Variants in SLC20A2 observed in about 807,000 individuals in gnomAD.
SLC20A2 encodes the protein solute carrier family 20 member 2, also known as sodium-dependent phosphate transporter 2.
Under a neutral mutation model 61.0 loss-of-function variants are expected in SLC20A2, and 30 were observed. The observed-to-expected ratio is 0.49, with a 90% CI of 0.37 to 0.67. The LOEUF is 0.67. Among genes scored for constraint, SLC20A2 ranks in the 30% least tolerant of loss-of-function variants. The probability of loss-of-function intolerance (pLI) is 0.00; values close to 1 mark genes in which losing one functional copy is unlikely to be tolerated. For synonymous variants in SLC20A2, 351 were observed against 353.3 expected (o/e 0.99, Z 0.07); for missense variants, 626 against 866.4 (o/e 0.72, Z 3.48).
At chr8:42,465,728 T>C (rs777423869) in intron 3 of SLC20A2, 49 bp downstream of exon 3, 25 of 1,515,566 alleles carry the variant, frequency 1.6e-5, no homozygotes, top group Non-Finnish European at 2.0e-5. Flanking sequence ...AAACTTACTC[T>C]AGAAAATGTA....
At position 42,437,226 on chromosome 8, in the gene SLC20A2, C is replaced by A; in HGVS notation, c.1286G>T (p.Arg429Leu). 2 of 1,613,850 alleles carry A rather than the reference C, an allele frequency of 1.2e-6. No homozygotes were observed. Among genetic ancestry groups the A allele is most frequent in the Non-Finnish European group, 8.5e-7 (1 of 1,180,028 alleles). The change falls in exon 8 of 11, where the codon CGC becomes CTC. Residue 429 changes from arginine (R) to leucine (L), a missense_variant. This residue lies in a region of SLC20A2 where 361 missense variants were observed against 422.3 expected (regional missense o/e 0.85). Transcript: ENST00000520262. The surrounding 1 kb of genome is among the most constrained non-coding windows in gnomAD (Gnocchi z 6.4). ...ACAGTAGCTCGAGTAGCTGTCGTAG[C>A]GCAGCCTCTTCTTGGAGTAGGACAC... is the stretch of plus-strand genomic sequence containing the variant. The part of the protein sequence containing the change: ...DTVSYSKKRL[R>L]YDSYSSYCNA...
At chr8:42,469,213 A>G (rs1245643892) in intron 2 of SLC20A2, among the ~76,000 whole-genome samples, 1 of 152,214 alleles carries the variant, frequency 6.6e-6, no homozygotes, top group African/African-American at 2.4e-5. Context: ...GCCAATGGTA[A>G]TTACACCACC....
rs139882135 is a variant in SLC20A2, at chr8:42,421,168, T to C, written c.1795-3201A>G. Among the ~76,000 whole-genome samples, 6 of 152,310 alleles carry C rather than the reference T, an allele frequency of 3.9e-5. No individual in the cohort carries two copies. In the East Asian group the frequency reaches 9.6e-4, roughly 24 times the overall value. On this transcript the variant is annotated intron_variant, in intron 10 of 10. Transcript: ENST00000520262. ...AGCAGTTTTGTGCCTCTTCCATATATATCACTCACATTTCTTTTTTAAAAA... is the reference window on the plus strand; with the variant it reads ...AGCAGTTTTGTGCCTCTTCCATATACATCACTCACATTTCTTTTTTAAAAA...
intron 2 of SLC20A2, among the ~76,000 whole-genome samples, chr8:42,468,590 A>G (rs1420573345): frequency 6.6e-6 from 1 of 152,204 alleles, no homozygotes; most frequent in Non-Finnish European, 1.5e-5. Flanking sequence ...ATGTAAGATA[A>G]TGGCATCTGA....
At chr8:42,425,767 G>A (rs1563438915) in intron 10 of SLC20A2, among the ~76,000 whole-genome samples, 2 of 152,196 alleles carry the variant, frequency 1.3e-5, no homozygotes, top group South Asian at 2.1e-4. Flanking sequence ...AACTGGCTGG[G>A]CACGGTGGCT....
At position 42,443,264 on chromosome 8, in the gene SLC20A2, G is replaced by GAT. The variant is rs869057900; in HGVS notation, c.730+1380_730+1381dup. ...TATAATAATACAATTATTATTATAG[G>GAT]ATATATATATATATATATATATATA... On this transcript the variant is annotated intron_variant, in intron 6 of 10. Transcript: ENST00000520262. Among the ~76,000 whole-genome samples, 25 of 105,460 alleles carry GAT rather than the reference G, an allele frequency of 2.4e-4. No homozygotes were observed. In the East Asian group the frequency reaches 5.6e-3, roughly 24 times the overall value. 69.2% of individuals were successfully genotyped at this position (105,460 alleles called of 152,430 possible). A position where few individuals can be genotyped will look rare whatever the true frequency, so the allele number is the denominator to read the frequency against.
At chr8:42,431,133 C>T (rs532391244) in intron 8 of SLC20A2, among the ~76,000 whole-genome samples, 1 of 152,350 alleles carries the variant, frequency 6.6e-6, no homozygotes, top group South Asian at 2.1e-4. Flanking sequence ...GAAGGCATGT[C>T]AAAATCGGAG....
At chr8:42,482,990 G>T (rs1337259329) in intron 1 of SLC20A2, among the ~76,000 whole-genome samples, 1 of 149,372 alleles carries the variant, frequency 6.7e-6, no homozygotes, top group Non-Finnish European at 1.5e-5. Flanking sequence ...AGGTTGCAGT[G>T]AGCTGAGATT....
chr8:42,459,235 C>CAAAAAAAAAAAAAAAAAAAAAAAAAA (rs756966778), intron 5 of SLC20A2, among the ~76,000 whole-genome samples: 1 of 36,076 alleles, frequency 2.8e-5, no homozygotes, highest in Non-Finnish European at 7.3e-5. Flanking sequence ...GACTCTATCT[C>CAAAAAAAAAAAAAAAAAAAAAAAAAA]AAAAAAAAAA....
intron 1 of SLC20A2, among the ~76,000 whole-genome samples, chr8:42,516,466 C>G (rs1034443016): frequency 5.9e-5 from 9 of 152,192 alleles, no homozygotes; most frequent in Non-Finnish European, 8.8e-5. Flanking sequence ...TGAAGGGTTC[C>G]CCAACCTGGG....
chr8:42,525,268 T>C (rs1311662389), intron 1 of SLC20A2, among the ~76,000 whole-genome samples: 1 of 152,128 alleles, frequency 6.6e-6, no homozygotes, highest in Non-Finnish European at 1.5e-5. Context: ...TTACGTATTA[T>C]TAAGAGTCAC....
intron 5 of SLC20A2, among the ~76,000 whole-genome samples, chr8:42,451,317 G>GAGGAGGAAGAGATGGAGA (rs1366649154): frequency 7.3e-5 from 11 of 151,422 alleles, no homozygotes; most frequent in East Asian, 1.9e-4. Context: ...AGATAAGGAG[G>GAGGAGGAAGAGATGGAGA]AGGAGGAAGA....
At chr8:42,498,584 T>C (rs1304867365) in intron 1 of SLC20A2, among the ~76,000 whole-genome samples, 1 of 152,164 alleles carries the variant, frequency 6.6e-6, no homozygotes, top group Non-Finnish European at 1.5e-5. Context: ...ACATGCTAAA[T>C]AATGACAGCA....
chr8:42,423,813 A>AT (rs1420010855), intron 10 of SLC20A2, among the ~76,000 whole-genome samples: 2 of 152,104 alleles, frequency 1.3e-5, no homozygotes, highest in Non-Finnish European at 1.5e-5. Context: ...GTAAAATGTT[A>AT]TTTTTTTGCT....
chr8:42,527,750 A>G (rs897209618), intron 1 of SLC20A2, among the ~76,000 whole-genome samples: 6 of 152,152 alleles, frequency 3.9e-5, no homozygotes, highest in African/African-American at 1.4e-4. Flanking sequence ...CTTGGGCAAC[A>G]AGAGCGAAAC....
intron 5 of SLC20A2, among the ~76,000 whole-genome samples, chr8:42,453,955 T>C (rs1805936031): frequency 6.6e-6 from 1 of 152,204 alleles, no homozygotes; most frequent in East Asian, 1.9e-4. Flanking sequence ...GTTCAGCAGA[T>C]ACTGGCGGCC....
chr8:42,428,706 C>G, intron 10 of SLC20A2, 52 bp downstream of exon 10: 1 of 1,538,584 alleles, frequency 6.5e-7, no homozygotes, highest in Non-Finnish European at 8.9e-7. Context: ...TCCGGTGGCC[C>G]TGGACCTGTC....
chr8:42,464,279 C>CTTTTTTTTT (rs202204490), intron 3 of SLC20A2, among the ~76,000 whole-genome samples: 1 of 136,816 alleles, frequency 7.3e-6, no homozygotes, highest in African/African-American at 3.0e-5. Context: ...GGCTAATTTT[C>CTTTTTTTTT]TTTCTTTTTT....
chr8:42,446,184 C>T (rs1038636828), intron 5 of SLC20A2, among the ~76,000 whole-genome samples: 6 of 152,160 alleles, frequency 3.9e-5, no homozygotes, highest in African/African-American at 7.2e-5. Context: ...CATCAACTTA[C>T]GGAATTACAG....
Sources: gnomAD v4.1 joint callset for allele counts (sites outside exome capture counted in the v4.1 genomes callset) on GRCh38, gnomAD v4.1.1 for gene constraint, gnomAD v4.1.1 regional missense constraint, Gnocchi (gnomAD v3.1) non-coding constraint, MANE v1.5 for transcripts, NCBI Gene and HGNC (gene_info 2026-07-23, HGNC 2026-07-21) for gene names.